The following THSD7A variants were observed in gnomAD, a reference collection of about 807,000 sequenced individuals.
THSD7A encodes the protein thrombospondin type 1 domain containing 7A, also known as thrombospondin type-1 domain-containing protein 7A.
In THSD7A, 96 loss-of-function variants were observed where a neutral mutation model predicts 231.3. That is an observed-to-expected ratio of 0.41 (90% CI 0.35 to 0.49). The LOEUF (loss-of-function observed/expected upper bound fraction) is 0.49. Ranked by LOEUF, THSD7A falls within the 20% of genes least tolerant of loss-of-function variation. The pLI, the probability that THSD7A is intolerant of heterozygous loss-of-function variation, is 0.05. For synonymous variants in THSD7A, 940 were observed against 743.3 expected, an observed-to-expected ratio of 1.26 and a Z score of -4.30; for missense variants, 2,290 against 2,070.2, an observed-to-expected ratio of 1.11 and a Z score of -2.06.
chr7:11,733,247 C>A (rs553697953), intron 1 of THSD7A, among the ~76,000 whole-genome samples: 1 of 151,766 alleles, frequency 6.6e-6, no homozygotes, highest in African/African-American at 2.4e-5. Flanking sequence ...TAAGTGTAAG[C>A]TATTCCACTT....
chr7:11,375,568 T>G lies in THSD7A; in HGVS notation c.*226A>C. ...CATAAAACTTTCAGAATGCAGCATG[T>G]ATTCAGCTAAATCTCCTATAATTCT... On this transcript the variant is annotated 3_prime_UTR_variant, in exon 28 of 28. Transcript: ENST00000423059. 1 of 371,566 alleles carries G rather than the reference T, an allele frequency of 2.7e-6. No individual in the cohort carries two copies. 23.0% of individuals were successfully genotyped at this position (371,566 alleles called of 1,614,324 possible). A position where few individuals can be genotyped will look rare whatever the true frequency, so the allele number is the denominator to read the frequency against.
At chr7:11,541,306 GT>G (rs1306801400) in intron 6 of THSD7A, 112 bp downstream of exon 6, 2 of 1,016,908 alleles carry the variant, frequency 2.0e-6, no homozygotes, top group Non-Finnish European at 3.0e-6. Context: ...CTATTTCTAC[GT>G]TTGTAAACAG....
chr7:11,604,671 T>C (rs1469993166), intron 2 of THSD7A, among the ~76,000 whole-genome samples: 3 of 152,174 alleles, frequency 2.0e-5, no homozygotes, highest in Non-Finnish European at 4.4e-5. Context: ...CAGATGTTTC[T>C]AACTTTGGCA....
Position 11,474,586 on chromosome 7 carries a change from G to T in THSD7A, c.2018-18C>A, listed in dbSNP as rs767115611. 6.4e-6 allele frequency: 10 copies of T among 1,573,334 alleles called. No individual in the cohort carries two copies. The highest frequency in any genetic ancestry group is 6.1e-6 in the Non-Finnish European group (7 of 1,149,508). ...AATTCCACCTAAAAACATGGACAATGATAGCAAATTAGATACGGTGCCAAC... is the reference window on the plus strand; with the variant it reads ...AATTCCACCTAAAAACATGGACAATTATAGCAAATTAGATACGGTGCCAAC... On this transcript the variant is annotated intron_variant, in intron 7 of 27. Transcript: ENST00000423059. This position sits in a 1 kb window ranked among gnomAD's most constrained non-coding sequence, Gnocchi z 4.1.
intron 6 of THSD7A, among the ~76,000 whole-genome samples, chr7:11,498,200 T>C (rs1351987786): frequency 6.6e-6 from 1 of 152,120 alleles, no homozygotes; most frequent in Non-Finnish European, 1.5e-5. Flanking sequence ...TCATGGCACC[T>C]CATATGATAA....
chr7:11,581,524 G>A (rs945478118), intron 4 of THSD7A, among the ~76,000 whole-genome samples: 2 of 151,270 alleles, frequency 1.3e-5, no homozygotes, highest in Non-Finnish European at 3.0e-5. Context: ...ATGATAAAAA[G>A]AGAGATAGGT....
chr7:11,678,736 A>G (rs112484035), intron 1 of THSD7A, among the ~76,000 whole-genome samples: 314 of 152,102 alleles, frequency 2.1e-3, no homozygotes, highest in African/African-American at 7.1e-3. Flanking sequence ...TGCCTAGGAC[A>G]AGACAGATTC....
At chr7:11,789,451 A>T (rs184979686) in intron 1 of THSD7A, among the ~76,000 whole-genome samples, 1 of 152,154 alleles carries the variant, frequency 6.6e-6, no homozygotes, top group East Asian at 1.9e-4. Flanking sequence ...CAGGCTAGAG[A>T]AAATGACACT....
intron 1 of THSD7A, among the ~76,000 whole-genome samples, chr7:11,792,824 C>T (rs1048759528): frequency 1.4e-4 from 21 of 151,848 alleles, no homozygotes; most frequent in Non-Finnish European, 2.7e-4. Context: ...TTCAACTTTC[C>T]ATTGCAGCAC....
At chr7:11,421,233 C>A (rs1347495126) in intron 16 of THSD7A, among the ~76,000 whole-genome samples, 3 of 152,122 alleles carry the variant, frequency 2.0e-5, no homozygotes, top group African/African-American at 7.2e-5. Context: ...GGGGAGGGAC[C>A]TGGTAGGAGG....
intron 4 of THSD7A, among the ~76,000 whole-genome samples, chr7:11,560,085 G>A (rs914412864): frequency 6.6e-6 from 1 of 152,134 alleles, no homozygotes; most frequent in African/African-American, 2.4e-5. Flanking sequence ...CTATACAGAG[G>A]TGGAAATAAG....
intron 23 of THSD7A, among the ~76,000 whole-genome samples, chr7:11,388,212 A>G (rs1489566902): frequency 6.6e-6 from 1 of 152,066 alleles, no homozygotes. Context: ...GCCTCATAAA[A>G]TGAGGTAGGG....
At chr7:11,586,688 T>C (rs1293237126) in intron 4 of THSD7A, among the ~76,000 whole-genome samples, 2 of 152,208 alleles carry the variant, frequency 1.3e-5, no homozygotes, top group Non-Finnish European at 2.9e-5. Flanking sequence ...AATATAGTGA[T>C]AAATAATTTA....
chr7:11,537,150 A>C (rs956690030), intron 6 of THSD7A, among the ~76,000 whole-genome samples: 1 of 152,192 alleles, frequency 6.6e-6, no homozygotes, highest in African/African-American at 2.4e-5. Context: ...GACAAGAACT[A>C]CTTGGGAAAG....
intron 4 of THSD7A, among the ~76,000 whole-genome samples, chr7:11,588,466 T>G (rs1584035342): frequency 6.6e-6 from 1 of 152,208 alleles, no homozygotes; most frequent in African/African-American, 2.4e-5. Flanking sequence ...AAATATTAAT[T>G]TTAGGTGAAT....
intron 1 of THSD7A, among the ~76,000 whole-genome samples, chr7:11,800,461 A>G (rs1362630533): frequency 6.6e-6 from 1 of 152,112 alleles, no homozygotes; most frequent in East Asian, 1.9e-4. Context: ...AGGCAGGAGA[A>G]TCGGTTGAAC....
At chr7:11,692,870 T>G (rs962106906) in intron 1 of THSD7A, among the ~76,000 whole-genome samples, 5 of 151,562 alleles carry the variant, frequency 3.3e-5, no homozygotes, top group African/African-American at 7.2e-5. Context: ...CTGAAATTCT[T>G]CAGGAGAAGA....
At chr7:11,673,255 G>C (rs1562463833) in intron 1 of THSD7A, among the ~76,000 whole-genome samples, 1 of 152,082 alleles carries the variant, frequency 6.6e-6, no homozygotes. Context: ...GTGGACACCT[G>C]ATATCCTAGC....
At chr7:11,735,649 C>G (rs1421687166) in intron 1 of THSD7A, among the ~76,000 whole-genome samples, 1 of 151,786 alleles carries the variant, frequency 6.6e-6, no homozygotes, top group Admixed American at 6.6e-5. Flanking sequence ...TTGTGGTATC[C>G]TCTCAAGCAC....
Sources: gnomAD v4.1 joint callset for allele counts (sites outside exome capture counted in the v4.1 genomes callset) on GRCh38, gnomAD v4.1.1 for gene constraint, Gnocchi (gnomAD v3.1) non-coding constraint, MANE v1.5 for transcripts, NCBI Gene and HGNC (gene_info 2026-07-23, HGNC 2026-07-21) for gene names.